The following NXPH1 variants were observed in gnomAD, a reference collection of about 807,000 sequenced individuals.
The protein encoded by NXPH1 is neurexophilin 1, also known as neurexophilin-1.
Under a neutral mutation model 23.7 loss-of-function variants are expected in NXPH1, and 5 were observed. That is an observed-to-expected ratio of 0.21 (90% CI 0.11 to 0.44). NXPH1 has a LOEUF of 0.44. Among genes scored for constraint, NXPH1 ranks in the 20% least tolerant of loss-of-function variants. The probability of loss-of-function intolerance (pLI) is 0.99; values close to 1 mark genes in which losing one functional copy is unlikely to be tolerated. For synonymous variants in NXPH1, 144 were observed against 122.2 expected (o/e 1.18, Z -1.18); for missense variants, 324 against 321.6 (o/e 1.01, Z -0.06).
At chr7:8,714,945 T>C (rs1176540466) in intron 2 of NXPH1, among the ~76,000 whole-genome samples, 1 of 152,060 alleles carries the variant, frequency 6.6e-6, no homozygotes, top group African/African-American at 2.4e-5. Context: ...TTAGCTTCCC[T>C]GGTTGGTGTC....
chr7:8,552,436 T>C (rs1258405777), intron 2 of NXPH1, among the ~76,000 whole-genome samples: 2 of 151,388 alleles, frequency 1.3e-5, no homozygotes, highest in Admixed American at 1.3e-4. Flanking sequence ...TTTTCTTCCA[T>C]CTAGGTTTAA....
At chr7:8,485,689 TTCTTTGCAG>T (rs548592587) in intron 2 of NXPH1, among the ~76,000 whole-genome samples, 164 of 152,258 alleles carry the variant, frequency 1.1e-3, no homozygotes, top group Admixed American at 2.2e-3. Flanking sequence ...TTTGCCAAAG[TTCTTTGCAG>T]TCTAAATATT....
At chr7:8,444,966 C>G (rs1045037478) in intron 2 of NXPH1, among the ~76,000 whole-genome samples, 2 of 152,190 alleles carry the variant, frequency 1.3e-5, no homozygotes, top group African/African-American at 2.4e-5. Context: ...TCTTTGTTTC[C>G]TTGTGGTCAG....
chr7:8,675,428 C>G (rs1820936943), intron 2 of NXPH1, among the ~76,000 whole-genome samples: 1 of 152,104 alleles, frequency 6.6e-6, no homozygotes, highest in Admixed American at 6.6e-5. Context: ...CAATGTACTT[C>G]ATATCTTTTC....
intron 2 of NXPH1, among the ~76,000 whole-genome samples, chr7:8,564,785 G>A (rs1353607976): frequency 6.6e-6 from 1 of 151,772 alleles, no homozygotes; most frequent in Non-Finnish European, 1.5e-5. Flanking sequence ...TACTGCTCAA[G>A]TTTAAAAAGA....
At position 8,435,307 on chromosome 7, in the gene NXPH1, T is replaced by G. The variant is rs78946386; in HGVS notation, c.-110-297T>G. On this transcript the variant is annotated intron_variant, in intron 1 of 2. Coordinates refer to ENST00000405863, the MANE Select transcript of NXPH1 (RefSeq NM_152745.3). The surrounding 1 kb of genome is among the most constrained non-coding windows in gnomAD (Gnocchi z 5.9). ...GTCTCGCTGCCGGAGAAGCCTGGGC[T>G]CCGAACCAGCCTGCACGCGGCTCAG... 0.058 allele frequency: 15,801 copies of G among 272,408 alleles called. 733 individuals carry two copies. Among genetic ancestry groups the G allele is most frequent in the African/African-American group, 0.15 (6,559 of 43,974 alleles). The allele number at this position is 272,408 out of a possible 1,614,324, so 16.9% of individuals were successfully genotyped here.
chr7:8,442,580 A>G lies in NXPH1; in HGVS notation c.54+6813A>G, dbSNP rs1434744709. Among the ~76,000 whole-genome samples the G allele has an allele frequency of 6.6e-6, 1 of 152,212 alleles. No homozygotes were observed. Among genetic ancestry groups the G allele is most frequent in the African/African-American group, 2.4e-5 (1 of 41,458 alleles). ...AAAAGGCCATTTTCCTTCGTCTTCT[A>G]CAAGAAGCAAGAAACTTTTTTCGAC... On this transcript the variant is annotated intron_variant, in intron 2 of 2. Coordinates refer to ENST00000405863, the MANE Select transcript of NXPH1 (RefSeq NM_152745.3). This position sits in a 1 kb window ranked among gnomAD's most constrained non-coding sequence, Gnocchi z 4.6.
At chr7:8,722,414 G>A (rs914102355) in intron 2 of NXPH1, among the ~76,000 whole-genome samples, 1 of 152,072 alleles carries the variant, frequency 6.6e-6, no homozygotes, top group African/African-American at 2.4e-5. Flanking sequence ...TGTTACAATG[G>A]TTCTCTCATT....
chr7:8,593,792 G>C (rs1583178726), intron 2 of NXPH1, among the ~76,000 whole-genome samples: 1 of 152,026 alleles, frequency 6.6e-6, no homozygotes, highest in East Asian at 1.9e-4. Context: ...TTAACAATGA[G>C]AACTGGCCTT....
At chr7:8,651,488 G>A (rs1265313231) in intron 2 of NXPH1, among the ~76,000 whole-genome samples, 2 of 150,274 alleles carry the variant, frequency 1.3e-5, no homozygotes, top group African/African-American at 4.9e-5. Flanking sequence ...TATATACCCA[G>A]TAATGGGATG....
chr7:8,670,214 C>T (rs1055072993), intron 2 of NXPH1, among the ~76,000 whole-genome samples: 1 of 152,190 alleles, frequency 6.6e-6, no homozygotes, highest in African/African-American at 2.4e-5. Context: ...ATTCCTCTCC[C>T]TCTCCTAAAT....
chr7:8,704,636 T>C (rs1208362216), intron 2 of NXPH1, among the ~76,000 whole-genome samples: 1 of 151,974 alleles, frequency 6.6e-6, no homozygotes, highest in Non-Finnish European at 1.5e-5. Context: ...AAGGCAGGAG[T>C]AGCCAATTAG....
At chr7:8,587,050 C>T (rs73235780) in intron 2 of NXPH1, among the ~76,000 whole-genome samples, 6,144 of 152,126 alleles carry the variant, frequency 0.04, 241 homozygotes, top group East Asian at 0.14. Context: ...ATTATATTCT[C>T]TATTATTTTC....
chr7:8,520,816 G>T lies in NXPH1; in HGVS notation c.54+85049G>T, dbSNP rs539352172. Among the ~76,000 whole-genome samples, 410 of 152,218 alleles carry T rather than the reference G, an allele frequency of 2.7e-3. 4 individuals are homozygous for T. The highest frequency in any genetic ancestry group is 9.4e-3 in the African/African-American group (390 of 41,538). ...ATAAACATATTTCATGCCGGGTTTT[G>T]TCACTTCATTTTCTCTTTGGTAAGG... is the stretch of plus-strand genomic sequence containing the variant. On this transcript the variant is annotated intron_variant, in intron 2 of 2. Coordinates refer to ENST00000405863, the MANE Select transcript of NXPH1 (RefSeq NM_152745.3).
chr7:8,589,865 T>C (rs1221402700), intron 2 of NXPH1, among the ~76,000 whole-genome samples: 2 of 151,962 alleles, frequency 1.3e-5, no homozygotes, highest in African/African-American at 2.4e-5. Context: ...CACCATCCAA[T>C]AGATAGCCAC....
intron 2 of NXPH1, among the ~76,000 whole-genome samples, chr7:8,668,594 C>T (rs1208864788): frequency 6.6e-6 from 1 of 151,334 alleles, no homozygotes; most frequent in Admixed American, 6.6e-5. Context: ...CAGGGGCTGG[C>T]TTAAAACTTG....
intron 2 of NXPH1, among the ~76,000 whole-genome samples, chr7:8,608,652 C>A (rs1819552793): frequency 6.6e-6 from 1 of 151,928 alleles, no homozygotes; most frequent in Non-Finnish European, 1.5e-5. Flanking sequence ...TCTTGATTTG[C>A]AGCTTTGAAA....
intron 2 of NXPH1, among the ~76,000 whole-genome samples, chr7:8,547,147 C>A (rs186688305): frequency 6.6e-6 from 1 of 151,374 alleles, no homozygotes; most frequent in East Asian, 2.0e-4. Context: ...AACCCAATGC[C>A]CCCTTAGGTG....
intron 2 of NXPH1, among the ~76,000 whole-genome samples, chr7:8,662,084 G>T (rs1820685116): frequency 6.6e-6 from 1 of 151,752 alleles, no homozygotes; most frequent in African/African-American, 2.4e-5. Context: ...TTGCTCAGGA[G>T]CTTGAAAATA....
Sources: allele counts gnomAD v4.1 joint callset (sites outside exome capture counted in the v4.1 genomes callset), GRCh38; gene constraint gnomAD v4.1.1; non-coding constraint Gnocchi (gnomAD v3.1); transcripts MANE v1.5; gene names NCBI Gene and HGNC (gene_info 2026-07-23, HGNC 2026-07-21).